The following EFCAB6 variants were observed in gnomAD, a reference collection of about 807,000 sequenced individuals.
EFCAB6 encodes the protein EF-hand calcium binding domain 6.
In EFCAB6, 156 loss-of-function variants were observed where a neutral mutation model predicts 169.8. The observed-to-expected ratio is 0.92, with a 90% confidence interval of 0.81 to 1.05. The LOEUF is 1.05. Ranked by LOEUF, EFCAB6 falls within the 50% of genes least tolerant of loss-of-function variation. The probability of loss-of-function intolerance (pLI) is 0.00; values close to 1 mark genes in which losing one functional copy is unlikely to be tolerated. For synonymous variants in EFCAB6, 698 were observed against 676.4 expected (o/e 1.03, Z -0.50); for missense variants, 1,800 against 1,829.1 (o/e 0.98, Z 0.29).
chr22:43,563,404 C>CA lies in EFCAB6; in HGVS notation c.3421-8309dup, dbSNP rs376982077. Among the ~76,000 whole-genome samples, 647 of 152,248 alleles carry CA rather than the reference C, an allele frequency of 4.2e-3. 8 individuals carry two copies. Among genetic ancestry groups the CA allele is most frequent in the African/African-American group, 0.015 (617 of 41,544 alleles). On this transcript the variant is annotated intron_variant, in intron 26 of 31. Transcript: ENST00000262726. ...GCAACATGACAAAACCCCATCTCTA[C>CA]AAAAAATACAAAAATTAGCTGGGCA...
chr22:43,725,219 T>A (rs2059684634), intron 8 of EFCAB6, among the ~76,000 whole-genome samples: 1 of 149,436 alleles, frequency 6.7e-6, no homozygotes, highest in Non-Finnish European at 1.5e-5. Context: ...TGGCTCATTG[T>A]AACCCCCCGC....
intron 15 of EFCAB6, among the ~76,000 whole-genome samples, chr22:43,670,819 G>A (rs1056180891): frequency 6.6e-6 from 1 of 152,220 alleles, no homozygotes; most frequent in Non-Finnish European, 1.5e-5. Flanking sequence ...AGGGCCCAGC[G>A]TTTTCAAGGA....
Position 43,711,521 on chromosome 22 carries a change from A to C in EFCAB6, c.985T>G (p.Phe329Val), listed in dbSNP as rs376154651. 8 of 1,604,180 alleles carry C rather than the reference A, an allele frequency of 5.0e-6. No individual in the cohort carries two copies. In the African/African-American group the frequency reaches 9.4e-5, roughly 19 times the overall value. ...ATTCTTCTTGGTATTTGGTATACAAAAGTGTCGAGGACAATCTTTAGATAA... is the reference window on the plus strand; with the variant it reads ...ATTCTTCTTGGTATTTGGTATACAACAGTGTCGAGGACAATCTTTAGATAA... ...FNYLKIVLDT[F>V]VYQIPRRIFI... The change falls in exon 10 of 32, where the codon TTT (phenylalanine) becomes GTT (valine). Residue 329 changes from phenylalanine to valine, a missense_variant. By Grantham distance (50) the Phe-to-Val change is conservative (BLOSUM62 -1). Transcript: ENST00000262726.
chr22:43,789,773 T>G (rs977411282), intron 2 of EFCAB6, among the ~76,000 whole-genome samples: 15 of 151,756 alleles, frequency 9.9e-5, no homozygotes, highest in African/African-American at 3.6e-4. Flanking sequence ...TAAGAGTGAA[T>G]TAAGGAGGCC....
intron 2 of EFCAB6, among the ~76,000 whole-genome samples, chr22:43,784,560 C>T (rs1251323833): frequency 1.2e-5 from 1 of 82,288 alleles, no homozygotes; most frequent in African/African-American, 5.6e-5. Flanking sequence ...TATATATACA[C>T]ATATATATGT....
chr22:43,610,304 T>C (rs1167706834), intron 21 of EFCAB6, among the ~76,000 whole-genome samples: 1 of 152,252 alleles, frequency 6.6e-6, no homozygotes, highest in Non-Finnish European at 1.5e-5. Flanking sequence ...GTGTATACTA[T>C]GACCATCGTC....
chr22:43,709,974 T>G (rs2059101963), intron 10 of EFCAB6, among the ~76,000 whole-genome samples: 1 of 152,214 alleles, frequency 6.6e-6, no homozygotes, highest in Non-Finnish European at 1.5e-5. Flanking sequence ...TGTAGCTTCA[T>G]GCCACATTTT....
intron 5 of EFCAB6, among the ~76,000 whole-genome samples, chr22:43,756,150 TCTC>T (rs68014211): frequency 0.04 from 6,127 of 152,266 alleles, 428 homozygotes; most frequent in African/African-American, 0.14. Flanking sequence ...CATTTAAGCC[TCTC>T]AACAGCTCTA....
chr22:43,785,547 T>C (rs1421310050), intron 2 of EFCAB6, among the ~76,000 whole-genome samples: 1 of 142,204 alleles, frequency 7.0e-6, no homozygotes, highest in Non-Finnish European at 1.5e-5. Flanking sequence ...TTAATGCCTA[T>C]ATTTTAAAAA....
In EFCAB6 at chr22:43,534,792, C is replaced by T. The variant is rs202040119; in HGVS notation, c.4129G>A (p.Gly1377Arg). ...LIIKYDLKSN[G>R]KFAYCDFIQS... ...ATGAAGTCACAGTATGCAAATTTCC[C>T]GTTGCTCTTTAAGTCGTATTTTATA... The change falls in exon 30 of 32, where the codon GGG becomes AGG. Residue 1377 changes from glycine to arginine, a missense_variant. Gly to Arg is a moderately radical substitution (Grantham distance 125). Coordinates refer to ENST00000262726, the MANE Select transcript of EFCAB6 (RefSeq NM_022785.4). The T allele has an allele frequency of 1.2e-5, 20 of 1,613,974 alleles. No homozygotes were observed. The highest frequency in any genetic ancestry group is 8.3e-5 in the Admixed American group (5 of 59,996).
chr22:43,771,178 C>T (rs773425723), intron 4 of EFCAB6, among the ~76,000 whole-genome samples: 2 of 152,146 alleles, frequency 1.3e-5, no homozygotes, highest in Non-Finnish European at 2.9e-5. Context: ...CCCCTGTAAT[C>T]CCGGCACTTT....
chr22:43,742,546 A>AT (rs1015153802), intron 6 of EFCAB6, among the ~76,000 whole-genome samples: 3 of 152,390 alleles, frequency 2.0e-5, no homozygotes, highest in Admixed American at 1.3e-4. Flanking sequence ...AGGAAACCAA[A>AT]GCAACAGCTA....
At chr22:43,618,178 G>GAA (rs1016260602) in intron 20 of EFCAB6, among the ~76,000 whole-genome samples, 1 of 115,274 alleles carries the variant, frequency 8.7e-6, no homozygotes, top group African/African-American at 2.9e-5. Flanking sequence ...AAGAAAGAAA[G>GAA]AAAGAAAGAA....
intron 4 of EFCAB6, 43 bp downstream of exon 4, chr22:43,772,849 T>C: frequency 1.2e-6 from 2 of 1,603,716 alleles, no homozygotes; most frequent in East Asian, 2.2e-5. Context: ...TACCTCAGCT[T>C]GTCTGGAATT....
At chr22:43,802,638 C>A in intron 2 of EFCAB6, 1 of 486,032 alleles carries the variant, frequency 2.1e-6, no homozygotes, top group Non-Finnish European at 4.1e-6. Context: ...AAAAGGGCCC[C>A]TACAAAGAAG....
Position 43,735,883 on chromosome 22 carries a change from C to T in EFCAB6, c.618G>A (p.Met206Ile). ...ELRRVLETFC[M>I]KLRDEEYEKF... ...TTTCGTATTCCTCGTCTCTTAACTT[C>T]ATACAGAAGGTCTCCAGAACCCTTC... Residue 206 changes from methionine to isoleucine, a missense_variant, in exon 7 of 32, where the codon ATG (methionine) becomes ATA (isoleucine). Met to Ile is a conservative substitution (Grantham distance 10). Coordinates refer to ENST00000262726, the MANE Select transcript of EFCAB6 (RefSeq NM_022785.4). The T allele has an allele frequency of 1.2e-6, 2 of 1,614,032 alleles. No homozygotes were observed. The highest frequency in any genetic ancestry group is 1.7e-6 in the Non-Finnish European group (2 of 1,180,012).
At chr22:43,643,620 G>A (rs1030252525) in intron 17 of EFCAB6, among the ~76,000 whole-genome samples, 1 of 152,306 alleles carries the variant, frequency 6.6e-6, no homozygotes, top group East Asian at 1.9e-4. Flanking sequence ...CTTTTGCACA[G>A]GCTCCTCACC....
intron 23 of EFCAB6, among the ~76,000 whole-genome samples, chr22:43,594,093 G>T (rs6006708): frequency 0.55 from 83,159 of 151,560 alleles, 23,150 homozygotes; most frequent in East Asian, 0.65. Flanking sequence ...CTGACCAAAA[G>T]GGAGAAACCC....
In EFCAB6 at chr22:43,530,862, A is replaced by G; in HGVS notation, c.4336T>C (p.Tyr1446His). 1 of 1,614,198 alleles carries G rather than the reference A, an allele frequency of 6.2e-7. No individual in the cohort carries two copies. Among genetic ancestry groups the G allele is most frequent in the South Asian group, 1.1e-5 (1 of 91,084 alleles). ...AGCAGCCCTGTTCCAGCCTCATCAT[A>G]GCTTTTGAACGTGCGCCGCATTGGC... is the stretch of plus-strand genomic sequence containing the variant. ...WRPMRRTFKS[Y>H]DEAGTGLLSV... The change falls in exon 31 of 32, where the codon TAT becomes CAT. Residue 1446 changes from tyrosine to histidine, a missense_variant. Transcript: ENST00000262726.
Sources: gnomAD v4.1 joint callset for allele counts (sites outside exome capture counted in the v4.1 genomes callset) on GRCh38, gnomAD v4.1.1 for gene constraint, MANE v1.5 for transcripts, NCBI Gene and HGNC (gene_info 2026-07-23, HGNC 2026-07-21) for gene names.